Variants in SLX9 observed in about 807,000 individuals in gnomAD.
SLX9 encodes ribosome biogenesis protein SLX9 homolog.
Under a neutral mutation model 20.8 loss-of-function variants are expected in SLX9, and 19 were observed. The observed-to-expected ratio is 0.91, with a 90% CI of 0.64 to 1.34. The LOEUF is 1.34. SLX9 is among the 40% of genes most tolerant of loss of function. The pLI is 0.00. For missense variants in SLX9, 299 were observed against 322.2 expected, an observed-to-expected ratio of 0.93 and a Z score of 0.55; for synonymous variants, 113 against 137.1, an observed-to-expected ratio of 0.82 and a Z score of 1.23.
At chr21:44,968,243 G>C (rs531065258) in intron 4 of SLX9, among the ~76,000 whole-genome samples, 1 of 151,598 alleles carries the variant, frequency 6.6e-6, no homozygotes, top group Non-Finnish European at 1.5e-5. Flanking sequence ...CTGCCACCCG[G>C]TGACGCAACC....
intron 3 of SLX9, among the ~76,000 whole-genome samples, chr21:44,960,651 A>G (rs1346223074): frequency 6.6e-6 from 1 of 152,228 alleles, no homozygotes; most frequent in Non-Finnish European, 1.5e-5. Flanking sequence ...GTCTGCGCAT[A>G]GCGGCGTGGG....
intron 3 of SLX9, among the ~76,000 whole-genome samples, chr21:44,966,523 C>A (rs2085038665): frequency 6.6e-6 from 1 of 152,302 alleles, no homozygotes; most frequent in Non-Finnish European, 1.5e-5. Context: ...TGCCCAAATC[C>A]CTTCTCTAGC....
At chr21:44,943,427 A>T (rs912358018) in intron 1 of SLX9, among the ~76,000 whole-genome samples, 7 of 152,200 alleles carry the variant, frequency 4.6e-5, no homozygotes, top group African/African-American at 1.7e-4. Context: ...ACTCCTGAAG[A>T]ACCAGGAGTG....
chr21:44,962,951 A>T (rs962661316), intron 3 of SLX9, among the ~76,000 whole-genome samples: 1 of 152,170 alleles, frequency 6.6e-6, no homozygotes, highest in African/African-American at 2.4e-5. Flanking sequence ...TTTCAGCGTC[A>T]GTGAAATTCA....
intron 5 of SLX9, among the ~76,000 whole-genome samples, chr21:44,974,487 T>G (rs1025628224): frequency 1.3e-5 from 2 of 152,250 alleles, no homozygotes; most frequent in Non-Finnish European, 2.9e-5. Context: ...TCTAATCCAT[T>G]TTTACTCTAG....
At position 44,966,914 on chromosome 21, in the gene SLX9, C is replaced by G. The variant is rs531150083; in HGVS notation, c.353-120C>G. 3 of 1,308,794 alleles carry G rather than the reference C, an allele frequency of 2.3e-6. No homozygotes were observed. The African/African-American group carries it at 4.4e-5, about 19-fold the overall frequency. 81.1% of individuals were successfully genotyped at this position (1,308,794 alleles called of 1,614,324 possible). On this transcript the variant is annotated intron_variant, in intron 3 of 5. Coordinates refer to ENST00000291634, the MANE Select transcript of SLX9 (RefSeq NM_058190.4). ...CCCAGGGGCGGAATGGGGGTGACAG[C>G]GGGAAGGAGAGAGGCAGCAGGGCCG...
intron 2 of SLX9, among the ~76,000 whole-genome samples, chr21:44,958,627 G>A (rs2084901243): frequency 6.6e-6 from 1 of 152,246 alleles, no homozygotes; most frequent in Non-Finnish European, 1.5e-5. Flanking sequence ...GCTAGAAGGG[G>A]GAGCAGGCGT....
intron 2 of SLX9, among the ~76,000 whole-genome samples, chr21:44,944,529 A>G (rs547236451): frequency 1.3e-5 from 2 of 152,336 alleles, no homozygotes; most frequent in Non-Finnish European, 2.9e-5. Context: ...GAGGATGGTG[A>G]GCAGTGTCAC....
intron 3 of SLX9, among the ~76,000 whole-genome samples, chr21:44,965,093 A>G (rs2085010453): frequency 6.6e-6 from 1 of 152,222 alleles, no homozygotes; most frequent in Non-Finnish European, 1.5e-5. Context: ...TTTGTAAAAA[A>G]TGTTTTTACT....
chr21:44,958,839 CCAGAGCCGGGAAGGAT>C (rs2084905118), intron 2 of SLX9, among the ~76,000 whole-genome samples: 1 of 152,210 alleles, frequency 6.6e-6, no homozygotes, highest in Non-Finnish European at 1.5e-5. Flanking sequence ...CTCCCTGGGG[CCAGAGCCGGGAAGGAT>C]CACTGTGCTG....
chr21:44,943,958 G>C (rs1268365250), intron 2 of SLX9, 121 bp downstream of exon 2: 1 of 1,374,262 alleles, frequency 7.3e-7, no homozygotes. Context: ...CTTGAGCAAG[G>C]GATGCCCCTG....
chr21:44,943,977 T>C (rs2084597718), intron 2 of SLX9, 140 bp downstream of exon 2: 9 of 1,223,262 alleles, frequency 7.4e-6, no homozygotes, highest in African/African-American at 1.5e-5. Flanking sequence ...TGGCTGTTTC[T>C]TGGGGCGATT....
intron 4 of SLX9, among the ~76,000 whole-genome samples, chr21:44,968,514 C>T (rs754037897): frequency 5.3e-5 from 8 of 152,240 alleles, no homozygotes; most frequent in Non-Finnish European, 7.3e-5. Context: ...CTGTGGCGCC[C>T]GTCTCCCAGG....
intron 2 of SLX9, among the ~76,000 whole-genome samples, chr21:44,945,188 A>C (rs2084620641): frequency 6.6e-6 from 1 of 152,184 alleles, no homozygotes; most frequent in African/African-American, 2.4e-5. Flanking sequence ...GTGCCTCTAG[A>C]AAGATCCAGG....
In SLX9 at chr21:44,940,126, C is replaced by T. The variant is rs1256297346; in HGVS notation, c.69C>T (p.Ala23=). The T allele has an allele frequency of 2.2e-6, 3 of 1,364,422 alleles. No individual in the cohort carries two copies. The African/African-American group carries it at 4.6e-5, about 21-fold the overall frequency. The allele number at this position is 1,364,422 out of a possible 1,614,324, so 84.5% of individuals were successfully genotyped here. ...QAAVRPKGEA[A]PGPAPPAPEA... ...CCGTGAGGCCGAAAGGGGAGGCCGCCCCCGGCCCCGCGCCCCCTGCCCCGG... is the reference window on the plus strand; with the variant it reads ...CCGTGAGGCCGAAAGGGGAGGCCGCTCCCGGCCCCGCGCCCCCTGCCCCGG... Residue 23 remains alanine (A), a synonymous_variant, in exon 1 of 6, where the codon GCC becomes GCT. Transcript: ENST00000291634.
At chr21:44,959,967 A>G (rs1255659669) in intron 2 of SLX9, 133 bp from the exon 3 acceptor site, 9 of 760,466 alleles carry the variant, frequency 1.2e-5, no homozygotes, top group African/African-American at 6.9e-5. Context: ...CGGGAGTCTG[A>G]GAGGCTGGCA....
chr21:44,942,630 T>G (rs2084569404), intron 1 of SLX9, among the ~76,000 whole-genome samples: 1 of 152,158 alleles, frequency 6.6e-6, no homozygotes, highest in Non-Finnish European at 1.5e-5. Context: ...ATAAAACAGA[T>G]TAACAGGAGA....
chr21:44,972,274 G>T (rs2085165253), intron 4 of SLX9, among the ~76,000 whole-genome samples: 1 of 152,178 alleles, frequency 6.6e-6, no homozygotes, highest in African/African-American at 2.4e-5. Flanking sequence ...TGTCCCATGT[G>T]AACATTCGGC....
At chr21:44,973,094 C>A in intron 4 of SLX9, 103 bp from the exon 5 acceptor site, 1 of 1,319,046 alleles carries the variant, frequency 7.6e-7, no homozygotes, top group Non-Finnish European at 1.1e-6. Flanking sequence ...CACCTCTGGC[C>A]ACCACGACGT....
Sources: gnomAD v4.1 joint callset for allele counts (sites outside exome capture counted in the v4.1 genomes callset) on GRCh38, gnomAD v4.1.1 for gene constraint, MANE v1.5 for transcripts, NCBI Gene and HGNC (gene_info 2026-07-23, HGNC 2026-07-21) for gene names.